ATP13A4: variants seen among roughly 807,000 people sequenced by gnomAD.
The protein encoded by ATP13A4 is probable cation-transporting ATPase 13A4.
In ATP13A4, 114 loss-of-function variants were observed where a neutral mutation model predicts 142.5. The ratio of observed to expected loss-of-function variants is 0.80; its 90% CI spans 0.69 to 0.93. The LOEUF (loss-of-function observed/expected upper bound fraction) is 0.93. ATP13A4 is among the 40% of genes least tolerant of loss of function. The pLI, the probability that ATP13A4 is intolerant of heterozygous loss-of-function variation, is 0.00. For synonymous variants in ATP13A4, 488 were observed against 514.8 expected (o/e 0.95, Z 0.70); for missense variants, 1,392 against 1,454.0 (o/e 0.96, Z 0.69).
intron 7 of ATP13A4, among the ~76,000 whole-genome samples, chr3:193,488,369 T>C (rs781547346): frequency 1.3e-5 from 2 of 152,188 alleles, no homozygotes; most frequent in Non-Finnish European, 2.9e-5. Context: ...ACTAAAAGTA[T>C]ACAGAAAATA....
In ATP13A4 at chr3:193,441,559, G is replaced by C. The variant is rs1427384529; in HGVS notation, c.2346C>G (p.Val782=). Residue 782 remains valine, a synonymous_variant, in exon 20 of 30, where the codon GTC becomes GTG. Transcript: ENST00000342695. ...QDNYINIRDE[V]SDKGREGSYH... ...AACTTCCTTCTCTGCCTTTATCAGA[G>C]ACTTCATCCCTGATGTTAATGTAAT... The C allele has an allele frequency of 6.2e-7, 1 of 1,613,430 alleles. No homozygotes were observed. Among genetic ancestry groups the C allele is most frequent in the Non-Finnish European group, 8.5e-7 (1 of 1,179,468 alleles).
At chr3:193,515,009 G>A (rs1721333011) in intron 1 of ATP13A4, 138 bp from the exon 2 acceptor site, 19 of 851,936 alleles carry the variant, frequency 2.2e-5, no homozygotes, top group Non-Finnish European at 3.6e-5. Context: ...GTGAGGCATG[G>A]AGAGAGTGGA....
chr3:193,530,069 C>T (rs971555657), intron 1 of ATP13A4, among the ~76,000 whole-genome samples: 1 of 152,140 alleles, frequency 6.6e-6, no homozygotes, highest in African/African-American at 2.4e-5. Context: ...TCCCTTCTCT[C>T]ATTTTCCTCA....
chr3:193,563,482 G>T (rs1244601322), intron 2 of ATP13A4, among the ~76,000 whole-genome samples: 1 of 152,226 alleles, frequency 6.6e-6, no homozygotes, highest in Non-Finnish European at 1.5e-5. Context: ...AACAGTAAAT[G>T]ATCAACACAT....
rs1488152845 is a variant in ATP13A4 at position 193,400,606 on chromosome 3, C to T, written c.*2046G>A. Among the ~76,000 whole-genome samples, 1 of 152,196 alleles carries T rather than the reference C, an allele frequency of 6.6e-6. No individual in the cohort carries two copies. The highest frequency in any genetic ancestry group is 1.5e-5 in the Non-Finnish European group (1 of 68,044). On this transcript the variant is annotated 3_prime_UTR_variant, in exon 30 of 30. Transcript: ENST00000342695. ...GTATTTGGCAGCAATATAAGGTTTG[C>T]TCAGAAGATCTGTATTTGAGGCCTA...
intron 1 of ATP13A4, among the ~76,000 whole-genome samples, chr3:193,529,155 A>C (rs1324404111): frequency 6.6e-6 from 1 of 152,064 alleles, no homozygotes; most frequent in Admixed American, 6.6e-5. Context: ...CTGTAGTCCC[A>C]GCTACTCGGG....
At chr3:193,566,514 T>C (rs1275931728) in intron 2 of ATP13A4, among the ~76,000 whole-genome samples, 2 of 152,152 alleles carry the variant, frequency 1.3e-5, no homozygotes, top group South Asian at 2.1e-4. Flanking sequence ...CCCTGGAACA[T>C]GTTAGGCATC....
intron 2 of ATP13A4, chr3:193,579,205 A>G (rs1000494259): frequency 1.9e-5 from 3 of 158,482 alleles, no homozygotes; most frequent in African/African-American, 7.2e-5. Flanking sequence ...GGTGAGTAAT[A>G]TCACATTCAC....
At chr3:193,562,826 G>T (rs535831071) in intron 2 of ATP13A4, among the ~76,000 whole-genome samples, 2 of 152,212 alleles carry the variant, frequency 1.3e-5, no homozygotes, top group African/African-American at 4.8e-5. Context: ...AGCTGAGATG[G>T]TGCCACTGAA....
At chr3:193,538,531 G>A (rs1287263934) in intron 1 of ATP13A4, among the ~76,000 whole-genome samples, 1 of 150,148 alleles carries the variant, frequency 6.7e-6, no homozygotes, top group Non-Finnish European at 1.5e-5. Context: ...GCTTTAAACA[G>A]GGCCATAGCA....
intron 25 of ATP13A4, among the ~76,000 whole-genome samples, chr3:193,425,363 T>TAACATCA (rs1345950125): frequency 1.3e-5 from 2 of 151,848 alleles, no homozygotes; most frequent in Non-Finnish European, 3.0e-5. Flanking sequence ...CTACTGGGTA[T>TAACATCA]GTATCCAAAG....
intron 2 of ATP13A4, among the ~76,000 whole-genome samples, chr3:193,573,609 C>G (rs534313764): frequency 6.6e-6 from 1 of 151,958 alleles, no homozygotes; most frequent in Non-Finnish European, 1.5e-5. Context: ...ACTCGAGGTT[C>G]CCATCCCCAC....
intron 2 of ATP13A4, among the ~76,000 whole-genome samples, chr3:193,513,490 A>C (rs1421278190): frequency 1.3e-5 from 2 of 152,210 alleles, no homozygotes; most frequent in East Asian, 1.9e-4. Context: ...ACTCTCTTTA[A>C]TAGAAACATC....
intron 3 of ATP13A4, among the ~76,000 whole-genome samples, chr3:193,495,429 C>T (rs1720171267): frequency 6.6e-6 from 1 of 152,010 alleles, no homozygotes; most frequent in South Asian, 2.1e-4. Context: ...AAGGATGATT[C>T]AACATATGCA....
At chr3:193,556,079 A>C (rs555707282), upstream of ATP13A4, among the ~76,000 whole-genome samples, 49 of 152,344 alleles carry the variant, frequency 3.2e-4, no homozygotes, top group East Asian at 9.2e-3. Flanking sequence ...GCCTGAGTTC[A>C]AATTTGGACT....
chr3:193,547,705 G>T (rs990714150), intron 1 of ATP13A4, among the ~76,000 whole-genome samples: 7 of 152,038 alleles, frequency 4.6e-5, no homozygotes, highest in African/African-American at 1.7e-4. Flanking sequence ...TTCCTAACTT[G>T]CAGGGACAAC....
At chr3:193,425,845 T>C (rs1715632383) in intron 25 of ATP13A4, among the ~76,000 whole-genome samples, 1 of 151,654 alleles carries the variant, frequency 6.6e-6, no homozygotes. Context: ...ACTTTATATT[T>C]CAAAATTGCT....
In ATP13A4 at chr3:193,433,851, C is replaced by T. The variant is rs1301290496; in HGVS notation, c.2836G>A (p.Val946Ile). Residue 946 changes from valine to isoleucine, a missense_variant, in exon 25 of 30, where the codon GTA becomes ATA. Transcript: ENST00000342695. Reference sequence around the variant, plus strand: ...AAGTTTTAAAATGTCTTACTTGTTACACCAATAAGAGTTGTAATGGCCAGA... The same window carrying T: ...AAGTTTTAAAATGTCTTACTTGTTATACCAATAAGAGTTGTAATGGCCAGA... ...QDLAITTLIG[V>I]TMNLNGAYPK... The T allele has an allele frequency of 1.9e-6, 3 of 1,611,868 alleles. No homozygotes were observed. Among genetic ancestry groups the T allele is most frequent in the South Asian group, 2.2e-5 (2 of 91,020 alleles).
chr3:193,411,790 C>T (rs1353610664), intron 27 of ATP13A4, among the ~76,000 whole-genome samples: 2 of 152,204 alleles, frequency 1.3e-5, no homozygotes, highest in African/African-American at 4.8e-5. Flanking sequence ...CAATGCCACC[C>T]TGACTATTGC....
Sources: allele counts gnomAD v4.1 joint callset (sites outside exome capture counted in the v4.1 genomes callset), GRCh38; gene constraint gnomAD v4.1.1; transcripts MANE v1.5; gene names NCBI Gene and HGNC (gene_info 2026-07-23, HGNC 2026-07-21).